Variants in SOS2 observed in about 807,000 individuals in gnomAD.
SOS2 encodes SOS Ras/Rho guanine nucleotide exchange factor 2.
SOS2 carries 65 observed loss-of-function variants against 148.2 expected under a neutral mutation model. That is an observed-to-expected ratio of 0.44 (90% CI 0.36 to 0.54). The LOEUF (loss-of-function observed/expected upper bound fraction) is 0.54. Among genes scored for constraint, SOS2 ranks in the 20% least tolerant of loss-of-function variants. The probability of loss-of-function intolerance (pLI) is 0.00; values close to 1 mark genes in which losing one functional copy is unlikely to be tolerated. For missense variants in SOS2, 1,341 were observed against 1,590.2 expected, an observed-to-expected ratio of 0.84 and a Z score of 2.67; for synonymous variants, 539 against 537.1, an observed-to-expected ratio of 1.00 and a Z score of -0.05.
chr14:50,209,273 T>C (rs1886779501), intron 1 of SOS2, among the ~76,000 whole-genome samples: 1 of 63,484 alleles, frequency 1.6e-5, no homozygotes, highest in Non-Finnish European at 4.3e-5. Flanking sequence ...TCCTTAAATG[T>C]CGTGTGTGTG....
chr14:50,199,971 T>C, intron 3 of SOS2, 116 bp from the exon 4 acceptor site: 3 of 619,146 alleles, frequency 4.8e-6, no homozygotes, highest in Non-Finnish European at 8.4e-6. Flanking sequence ...ACTACATGTC[T>C]AAATGTATGG....
At position 50,231,566 on chromosome 14, in the gene SOS2, C is replaced by G. The variant is rs1326243484; in HGVS notation, c.-283G>C. 1 of 152,464 alleles carries G rather than the reference C, an allele frequency of 6.6e-6. No homozygotes were observed. The highest frequency in any genetic ancestry group is 1.9e-4 in the East Asian group (1 of 5,152). 9.4% of individuals were successfully genotyped at this position (152,464 alleles called of 1,614,324 possible). A position where few individuals can be genotyped will look rare whatever the true frequency, so the allele number is the denominator to read the frequency against. ...GCGGCGACCTCCTTTCCCGGCGGCG[C>G]TGGCCCGCTTCTGGGGCGGCTCCTC... On this transcript the variant is annotated 5_prime_UTR_variant, in exon 1 of 23. Coordinates refer to ENST00000216373, the MANE Select transcript of SOS2 (RefSeq NM_006939.4).
Position 50,180,443 on chromosome 14 carries a change from G to C in SOS2, c.969+129C>G. The C allele has an allele frequency of 5.2e-6, 3 of 578,392 alleles. No homozygotes were observed. In the South Asian group the frequency reaches 7.0e-5, roughly 13 times the overall value. 35.8% of individuals were successfully genotyped at this position (578,392 alleles called of 1,614,324 possible). A position where few individuals can be genotyped will look rare whatever the true frequency, so the allele number is the denominator to read the frequency against. On this transcript the variant is annotated intron_variant, in intron 7 of 22. Transcript: ENST00000216373. ...GAAAACAGAAGATAATCCAAAACAG[G>C]TTTAGAATGAACAAGATTTGAAGGA...
At chr14:50,184,303 G>A (rs1885839299) in intron 5 of SOS2, among the ~76,000 whole-genome samples, 1 of 152,096 alleles carries the variant, frequency 6.6e-6, no homozygotes, top group Admixed American at 6.6e-5. Flanking sequence ...CACGGGCTTT[G>A]GAACCTGACA....
chr14:50,222,372 C>T (rs1887226167), intron 1 of SOS2, among the ~76,000 whole-genome samples: 1 of 152,130 alleles, frequency 6.6e-6, no homozygotes, highest in African/African-American at 2.4e-5. Flanking sequence ...ACATGTTAGC[C>T]TGGCATGAGA....
intron 12 of SOS2, chr14:50,156,101 G>C (rs1034875382): frequency 6.6e-6 from 1 of 151,720 alleles, no homozygotes; most frequent in Admixed American, 6.6e-5. Flanking sequence ...CAGTAATCAA[G>C]GAAACTTGAA....
At chr14:50,177,234 C>T (rs999352772) in intron 7 of SOS2, among the ~76,000 whole-genome samples, 1 of 151,934 alleles carries the variant, frequency 6.6e-6, no homozygotes, top group Non-Finnish European at 1.5e-5. Context: ...GCAGGAGAAT[C>T]GCTTTAACCC....
At chr14:50,125,028 C>G (rs1883638121) in intron 21 of SOS2, among the ~76,000 whole-genome samples, 1 of 152,074 alleles carries the variant, frequency 6.6e-6, no homozygotes, top group Admixed American at 6.5e-5. Context: ...ATTGTGTTCC[C>G]CCAAAGATAT....
At chr14:50,179,752 G>C (rs1164120168) in intron 7 of SOS2, among the ~76,000 whole-genome samples, 2 of 152,132 alleles carry the variant, frequency 1.3e-5, no homozygotes, top group Non-Finnish European at 2.9e-5. Context: ...TGTTGAGATA[G>C]TAAAAATAAA....
chr14:50,143,780 C>T (rs979215860), intron 16 of SOS2, among the ~76,000 whole-genome samples: 5 of 150,600 alleles, frequency 3.3e-5, no homozygotes, highest in Admixed American at 2.0e-4. Flanking sequence ...AAATGCAGTG[C>T]GATTTCTGCC....
intron 8 of SOS2, among the ~76,000 whole-genome samples, chr14:50,169,484 A>G (rs1410607295): frequency 6.6e-6 from 1 of 151,948 alleles, no homozygotes; most frequent in Non-Finnish European, 1.5e-5. Context: ...AAAAAAAAAT[A>G]GAAAAATCAG....
chr14:50,166,854 A>C (rs923376802), intron 8 of SOS2, among the ~76,000 whole-genome samples: 1 of 152,158 alleles, frequency 6.6e-6, no homozygotes, highest in Non-Finnish European at 1.5e-5. Context: ...ATTAGTAATA[A>C]ACTCTCTAGA....
chr14:50,231,198 T>G lies in SOS2; in HGVS notation c.86A>C (p.Lys29Thr). 1 of 1,470,980 alleles carries G rather than the reference T, an allele frequency of 6.8e-7. No homozygotes were observed. The highest frequency in any genetic ancestry group is 9.1e-7 in the Non-Finnish European group (1 of 1,095,026). The allele number at this position is 1,470,980 out of a possible 1,614,324, so 91.1% of individuals were successfully genotyped here. Residue 29 changes from lysine to threonine, a missense_variant and splice_region_variant, in exon 1 of 23, where the codon AAG (lysine) becomes ACG (threonine). This residue lies in a region of SOS2 where 574 missense variants were observed against 711.1 expected (regional missense o/e 0.81). Transcript: ENST00000216373. ...WRGLLVSALR[K>T]VQEQVHPTLS... ...GGCCGCCCCGCCCCTAGCACTGACCTTCCGCAGGGCCGAGACCAACAGTCC... is the reference window on the plus strand; with the variant it reads ...GGCCGCCCCGCCCCTAGCACTGACCGTCCGCAGGGCCGAGACCAACAGTCC...
chr14:50,122,951 A>G (rs1883567214), intron 21 of SOS2, among the ~76,000 whole-genome samples: 1 of 152,230 alleles, frequency 6.6e-6, no homozygotes, highest in Non-Finnish European at 1.5e-5. Flanking sequence ...CACTAGCAAT[A>G]TAACCGTGAA....
At chr14:50,156,429 A>T (rs186914651) in intron 12 of SOS2, 22 of 152,306 alleles carry the variant, frequency 1.4e-4, no homozygotes, top group Non-Finnish European at 2.6e-4. Context: ...TAAAAAAGAT[A>T]AAGCATTTAG....
At chr14:50,143,079 T>C (rs1456042060) in intron 16 of SOS2, among the ~76,000 whole-genome samples, 2 of 152,108 alleles carry the variant, frequency 1.3e-5, no homozygotes, top group Non-Finnish European at 2.9e-5. Flanking sequence ...TTTTTTAAAT[T>C]AAAAAGCAGA....
intron 8 of SOS2, among the ~76,000 whole-genome samples, chr14:50,168,801 C>T (rs1256309345): frequency 6.6e-6 from 1 of 152,024 alleles, no homozygotes; most frequent in Non-Finnish European, 1.5e-5. Flanking sequence ...TTATTACATC[C>T]CTTTAGTAGT....
intron 7 of SOS2, among the ~76,000 whole-genome samples, chr14:50,178,858 C>T (rs925389672): frequency 3.3e-5 from 5 of 151,750 alleles, no homozygotes; most frequent in African/African-American, 4.8e-5. Flanking sequence ...CTCAGCCTCC[C>T]GAGTAGCTGG....
At position 50,139,924 on chromosome 14, in the gene SOS2, C is replaced by G. The variant is rs755475904; in HGVS notation, c.2785+18G>C. ...TCACACGCTCACCCTCAAAATATAT[C>G]CATATTTAGTAACTTACCAAAAAAA... On this transcript the variant is annotated intron_variant, in intron 17 of 22. Coordinates refer to ENST00000216373, the MANE Select transcript of SOS2 (RefSeq NM_006939.4). The G allele has an allele frequency of 8.3e-7, 1 of 1,208,090 alleles. No homozygotes were observed. Among genetic ancestry groups the G allele is most frequent in the Non-Finnish European group, 1.2e-6 (1 of 812,640 alleles). The allele number at this position is 1,208,090 out of a possible 1,614,324, so 74.8% of individuals were successfully genotyped here. A position where few individuals can be genotyped will look rare whatever the true frequency, so the allele number is the denominator to read the frequency against.
Sources: allele counts gnomAD v4.1 joint callset (sites outside exome capture counted in the v4.1 genomes callset), GRCh38; gene constraint gnomAD v4.1.1; regional missense constraint gnomAD v4.1.1; transcripts MANE v1.5; gene names NCBI Gene and HGNC (gene_info 2026-07-23, HGNC 2026-07-21).